SLC9A9: variants seen among roughly 807,000 people sequenced by gnomAD.
SLC9A9 encodes solute carrier family 9 member A9, also known as sodium/hydrogen exchanger 9.
In SLC9A9, 62 loss-of-function variants were observed where a neutral mutation model predicts 77.8. The observed-to-expected ratio is 0.80, with a 90% CI of 0.65 to 0.98. SLC9A9 has a LOEUF of 0.98. SLC9A9 is among the 50% of genes least tolerant of loss of function. The pLI, the probability that SLC9A9 is intolerant of heterozygous loss-of-function variation, is 0.00. For synonymous variants in SLC9A9, 320 were observed against 283.5 expected (o/e 1.13, Z -1.29); for missense variants, 775 against 774.9 (o/e 1.00, Z 0.00).
intron 6 of SLC9A9, among the ~76,000 whole-genome samples, chr3:143,628,926 T>C (rs895003700): frequency 1.3e-5 from 2 of 152,162 alleles, no homozygotes; most frequent in African/African-American, 2.4e-5. Flanking sequence ...AAAATAATAA[T>C]AATGTAGTTC....
chr3:143,586,109 T>C (rs1358616162), intron 6 of SLC9A9, among the ~76,000 whole-genome samples: 1 of 152,198 alleles, frequency 6.6e-6, no homozygotes, highest in African/African-American at 2.4e-5. Context: ...GATAACCCCT[T>C]TCCTTCCCCA....
chr3:143,522,292 A>G lies in SLC9A9; in HGVS notation c.1090-26844T>C, dbSNP rs2036314953. 2.6e-5 allele frequency among the ~76,000 whole-genome samples: 4 copies of G among 152,216 alleles called. No individual in the cohort carries two copies. In the South Asian group the frequency reaches 8.3e-4, roughly 31 times the overall value. ...TATATCCCAAAAATCAGACTTGAAA[A>G]GAGTTTAAAACCATTATTTGTATCC... On this transcript the variant is annotated intron_variant, in intron 9 of 15. Transcript: ENST00000316549.
intron 4 of SLC9A9, among the ~76,000 whole-genome samples, chr3:143,754,820 A>C (rs2006868982): frequency 6.6e-6 from 1 of 152,224 alleles, no homozygotes; most frequent in African/African-American, 2.4e-5. Context: ...GCATTAAGCC[A>C]CTTTCTCCAT....
At chr3:143,838,530 A>G (rs2009630190) in intron 1 of SLC9A9, among the ~76,000 whole-genome samples, 1 of 152,180 alleles carries the variant, frequency 6.6e-6, no homozygotes, top group African/African-American at 2.4e-5. Flanking sequence ...AGAGATAATT[A>G]TTTGAAGACA....
chr3:143,561,518 G>A (rs16853802), intron 8 of SLC9A9, among the ~76,000 whole-genome samples: 19,276 of 152,130 alleles, frequency 0.13, 1,279 homozygotes, highest in African/African-American at 0.14. Context: ...AGAGCTGCAC[G>A]GTAAGAGTAG....
At chr3:143,322,903 T>C (rs183190456) in intron 14 of SLC9A9, among the ~76,000 whole-genome samples, 3 of 152,112 alleles carry the variant, frequency 2.0e-5, no homozygotes, top group East Asian at 1.9e-4. Flanking sequence ...AGAACACGAA[T>C]AGACATTTCT....
At chr3:143,661,283 T>C (rs925640062) in intron 5 of SLC9A9, among the ~76,000 whole-genome samples, 1 of 152,328 alleles carries the variant, frequency 6.6e-6, no homozygotes, top group East Asian at 1.9e-4. Flanking sequence ...AAATGTGCAC[T>C]ATTTTTAGAA....
chr3:143,670,235 G>A (rs938784041), intron 5 of SLC9A9, among the ~76,000 whole-genome samples: 1 of 152,142 alleles, frequency 6.6e-6, no homozygotes, highest in African/African-American at 2.4e-5. Context: ...AAATTTCTAT[G>A]GGTCTCACTC....
chr3:143,826,539 G>A (rs184073191), intron 2 of SLC9A9, among the ~76,000 whole-genome samples: 201 of 152,154 alleles, frequency 1.3e-3, no homozygotes, highest in African/African-American at 4.7e-3. Flanking sequence ...TACACAGCAG[G>A]CACACTATCC....
At position 143,795,006 on chromosome 3, in the gene SLC9A9, G is replaced by T; in HGVS notation, c.528C>A (p.Val176=). 1 of 1,613,852 alleles carries T rather than the reference G, an allele frequency of 6.2e-7. No homozygotes were observed. The highest frequency in any genetic ancestry group is 1.1e-5 in the South Asian group (1 of 91,068). ...GAGCTCCGAATGTCACTTACCCTAT[G>T]ACGATGCAGGAGATGGCAGTTCCCA... ...AFLGTAISCI[V]IGLIMYGFVK... Residue 176 remains valine (V), a synonymous_variant, in exon 4 of 16, where the codon GTC becomes GTA. Transcript: ENST00000316549.
chr3:143,640,724 G>T (rs558428649), intron 6 of SLC9A9, among the ~76,000 whole-genome samples: 14 of 151,996 alleles, frequency 9.2e-5, no homozygotes, highest in Non-Finnish European at 1.3e-4. Context: ...AGCCTGGTGT[G>T]GTCTGTGGTC....
At chr3:143,380,806 TC>T (rs755843376) in intron 13 of SLC9A9, among the ~76,000 whole-genome samples, 4 of 152,234 alleles carry the variant, frequency 2.6e-5, no homozygotes, top group Non-Finnish European at 5.9e-5. Flanking sequence ...CAGGCTCCTT[TC>T]TTTTTCACAT....
At chr3:143,586,823 G>A (rs576632078) in intron 6 of SLC9A9, among the ~76,000 whole-genome samples, 2 of 152,300 alleles carry the variant, frequency 1.3e-5, no homozygotes, top group Non-Finnish European at 2.9e-5. Flanking sequence ...CACCCTGGGA[G>A]GTTAGAAGAG....
chr3:143,526,784 T>A (rs911945861), intron 9 of SLC9A9, among the ~76,000 whole-genome samples: 23 of 152,350 alleles, frequency 1.5e-4, no homozygotes, highest in African/African-American at 5.0e-4. Context: ...GTAGACAGTC[T>A]TTGAAATATT....
rs770595861 is a variant in SLC9A9, at chr3:143,796,841, T to C, written c.441A>G (p.Gly147=). Residue 147 remains glycine, a synonymous_variant, in exon 3 of 16, where the codon GGA becomes GGG. Transcript: ENST00000316549. ...ATATATTTACCTTCTTTAGACTATA[T>C]CCTGCATGAAATATAATTGGTGGCA... ...VLLPPIIFHA[G]YSLKKRHFFQ... is the part of the protein sequence containing the mutation. The C allele has an allele frequency of 3.7e-6, 6 of 1,609,528 alleles. 2 individuals carry two copies. The South Asian group carries it at 5.5e-5, about 15-fold the overall frequency.
intron 5 of SLC9A9, among the ~76,000 whole-genome samples, chr3:143,690,096 G>A (rs1412771932): frequency 2.6e-5 from 4 of 151,904 alleles, no homozygotes; most frequent in Admixed American, 6.6e-5. Flanking sequence ...TACATCACTA[G>A]TGGGATATAT....
intron 12 of SLC9A9, among the ~76,000 whole-genome samples, chr3:143,389,071 G>A (rs1483207302): frequency 6.6e-6 from 1 of 152,204 alleles, no homozygotes; most frequent in Non-Finnish European, 1.5e-5. Context: ...GAGGTGGACA[G>A]AGTTGCTTTG....
At chr3:143,600,276 G>A (rs538662785) in intron 6 of SLC9A9, among the ~76,000 whole-genome samples, 6 of 152,070 alleles carry the variant, frequency 3.9e-5, no homozygotes, top group Non-Finnish European at 7.4e-5. Flanking sequence ...GAGAACATGC[G>A]GTGTTTGGTT....
At chr3:143,347,709 A>G (rs2032329322) in intron 14 of SLC9A9, among the ~76,000 whole-genome samples, 1 of 152,142 alleles carries the variant, frequency 6.6e-6, no homozygotes, top group Non-Finnish European at 1.5e-5. Context: ...CCACTCATCC[A>G]CAGTTGTTCT....
Sources: gnomAD v4.1 joint callset for allele counts (sites outside exome capture counted in the v4.1 genomes callset) on GRCh38, gnomAD v4.1.1 for gene constraint, MANE v1.5 for transcripts, NCBI Gene and HGNC (gene_info 2026-07-23, HGNC 2026-07-21) for gene names.